SPARC: variants seen among roughly 807,000 people sequenced by gnomAD.
SPARC encodes secreted protein acidic and cysteine rich, also known as basement-membrane protein 40.
SPARC carries 23 observed loss-of-function variants against 37.7 expected under a neutral mutation model. That is an observed-to-expected ratio of 0.61 (90% CI 0.44 to 0.87). The LOEUF is 0.87. Ranked by LOEUF, SPARC falls within the 40% of genes least tolerant of loss-of-function variation. The pLI, the probability that SPARC is intolerant of heterozygous loss-of-function variation, is 0.00. For synonymous variants in SPARC, 155 were observed against 150.8 expected (o/e 1.03, Z -0.20); for missense variants, 312 against 389.0 (o/e 0.80, Z 1.66).
chr5:151,670,862 C>G (rs910318119), intron 5 of SPARC, among the ~76,000 whole-genome samples: 1 of 152,000 alleles, frequency 6.6e-6, no homozygotes, highest in African/African-American at 2.4e-5. Flanking sequence ...AAATGTGGAG[C>G]CCAGAGGCTA....
In SPARC at chr5:151,673,123, A is replaced by AC; in HGVS notation, c.208+5dup. Reference sequence around the variant, plus strand: ...GGATGTGCCAAGTTACAGGGAAGGGACATACTTTCCGCCACCACCTCCTCT... The same window carrying AC: ...GGATGTGCCAAGTTACAGGGAAGGGACCATACTTTCCGCCACCACCTCCTCT... On this transcript the variant is annotated splice_donor_region_variant and intron_variant, in intron 4 of 9. Transcript: ENST00000231061. The AC allele has an allele frequency of 1.2e-6, 2 of 1,609,030 alleles. No homozygotes were observed. The highest frequency in any genetic ancestry group is 1.7e-6 in the Non-Finnish European group (2 of 1,175,310).
At chr5:151,683,448 G>A (rs767431395) in intron 1 of SPARC, among the ~76,000 whole-genome samples, 1 of 152,242 alleles carries the variant, frequency 6.6e-6, no homozygotes, top group Non-Finnish European at 1.5e-5. Context: ...CAAACACGTG[G>A]AAGTTTGGCT....
intron 8 of SPARC, among the ~76,000 whole-genome samples, chr5:151,664,513 G>A (rs1760583291): frequency 6.6e-6 from 1 of 152,068 alleles, no homozygotes; most frequent in Admixed American, 6.6e-5. Context: ...AAGGTTTCAG[G>A]GTCTCAAAAA....
intron 3 of SPARC, 37 bp from the exon 4 acceptor site, chr5:151,673,253 A>C (rs757978976): frequency 7.1e-6 from 10 of 1,407,020 alleles, no homozygotes; most frequent in East Asian, 4.5e-5. Context: ...AAATGGCCCC[A>C]CTCCCATCCC....
intron 1 of SPARC, 81 bp from the exon 2 acceptor site, chr5:151,676,282 A>G (rs916902898): frequency 4.5e-6 from 4 of 897,868 alleles, no homozygotes; most frequent in African/African-American, 3.3e-5. Context: ...GATATGTGCA[A>G]GATAATGTTA....
intron 4 of SPARC, among the ~76,000 whole-genome samples, chr5:151,672,366 A>C (rs774031739): frequency 1.3e-5 from 2 of 152,098 alleles, no homozygotes; most frequent in Non-Finnish European, 2.9e-5. Flanking sequence ...TGTTTTAATA[A>C]TCCTTTAGCG....
At chr5:151,672,666 C>T (rs544953504) in intron 4 of SPARC, 59 of 171,932 alleles carry the variant, frequency 3.4e-4, no homozygotes, top group Admixed American at 2.8e-3. Context: ...GGTTGCATTT[C>T]CTCAGGACCT....
At chr5:151,671,525 T>C (rs751416177) in intron 5 of SPARC, 48 bp downstream of exon 5, 1 of 1,513,840 alleles carries the variant, frequency 6.6e-7, no homozygotes, top group Non-Finnish European at 8.8e-7. Context: ...CATCCTGTAT[T>C]CCGAAGTGCC....
At position 151,686,904 on chromosome 5, in the gene SPARC, T is replaced by G. The variant is rs1301109844; in HGVS notation, c.-53A>C. On this transcript the variant is annotated 5_prime_UTR_variant, in exon 1 of 10. Transcript: ENST00000231061. Reference sequence around the variant, plus strand: ...GGCAGGCGGCAGGCAGAGCGCGCTCTCCGGGCAGTCTGAAGGACCGCGGGA... The same window carrying G: ...GGCAGGCGGCAGGCAGAGCGCGCTCGCCGGGCAGTCTGAAGGACCGCGGGA... 6.5e-6 allele frequency: 1 copy of G among 153,102 alleles called. No homozygotes were observed. The highest frequency in any genetic ancestry group is 1.5e-5 in the Non-Finnish European group (1 of 68,876). 9.5% of individuals were successfully genotyped at this position (153,102 alleles called of 1,614,324 possible). A position where few individuals can be genotyped will look rare whatever the true frequency, so the allele number is the denominator to read the frequency against.
intron 1 of SPARC, chr5:151,686,332 G>T (rs888865720): frequency 6.6e-6 from 1 of 152,194 alleles, no homozygotes; most frequent in South Asian, 2.1e-4. Flanking sequence ...AAAACAGAAG[G>T]CTTCCCAGAG....
chr5:151,671,622 A>C lies in SPARC; in HGVS notation c.281T>G (p.Val94Gly). 6.2e-7 allele frequency: 1 copy of C among 1,605,538 alleles called. No individual in the cohort carries two copies. Among genetic ancestry groups the C allele is most frequent in the Non-Finnish European group, 8.5e-7 (1 of 1,175,822 alleles). The change falls in exon 5 of 10, where the codon GTG (valine) becomes GGG (glycine). Residue 94 changes from valine (V) to glycine (G), a missense_variant. Transcript: ENST00000231061. The stretch of plus-strand genomic sequence containing the variant: ...TGGGCAGCTGGTGGGGTCCTGGCAC[A>C]CGCACATGGGGGTGTTGTTCTCATC... ...ELDENNTPMC[V>G]CQDPTSCPAP...
At chr5:151,665,999 G>A (rs763826213) in intron 8 of SPARC, among the ~76,000 whole-genome samples, 8 of 152,202 alleles carry the variant, frequency 5.3e-5, no homozygotes, top group Non-Finnish European at 1.0e-4. Flanking sequence ...GCCCCTGGAT[G>A]TTCTGCTGAA....
intron 8 of SPARC, 71 bp from the exon 9 acceptor site, chr5:151,664,306 G>T: frequency 2.1e-6 from 3 of 1,452,396 alleles, no homozygotes; most frequent in Non-Finnish European, 2.9e-6. Flanking sequence ...GAGGCAACCG[G>T]GGAGTTAGCC....
intron 1 of SPARC, among the ~76,000 whole-genome samples, chr5:151,680,003 T>C (rs1760948335): frequency 6.6e-6 from 1 of 152,208 alleles, no homozygotes; most frequent in Non-Finnish European, 1.5e-5. Context: ...ATTCTATATC[T>C]ACGTGGTCCA....
At position 151,669,647 on chromosome 5, in the gene SPARC, G is replaced by A; in HGVS notation, c.451+17C>T. 1 of 1,613,672 alleles carries A rather than the reference G, an allele frequency of 6.2e-7. No homozygotes were observed. Among genetic ancestry groups the A allele is most frequent in the Non-Finnish European group, 8.5e-7 (1 of 1,179,676 alleles). On this transcript the variant is annotated intron_variant, in intron 6 of 9. Coordinates refer to ENST00000231061, the MANE Select transcript of SPARC (RefSeq NM_003118.4). ...TCTCCCCAAGACAGGAGTCTGGAAG[G>A]GCCCAAGGACACTCACATTTGCAAG...
At chr5:151,672,147 G>C (rs1270762515) in intron 4 of SPARC, among the ~76,000 whole-genome samples, 1 of 152,192 alleles carries the variant, frequency 6.6e-6, no homozygotes, top group Non-Finnish European at 1.5e-5. Context: ...GGCAGTAAAG[G>C]AAAAGGGAGA....
intron 1 of SPARC, chr5:151,685,258 A>C (rs1264683221): frequency 6.6e-6 from 1 of 150,592 alleles, no homozygotes; most frequent in African/African-American, 2.5e-5. Context: ...TTCCTCAACC[A>C]CTCCCTTTTC....
Position 151,663,538 on chromosome 5 carries a change from AAG to A in SPARC, c.*31_*32del, listed in dbSNP as rs1441717253. 6.2e-7 allele frequency: 1 copy of A among 1,606,230 alleles called. No homozygotes were observed. Among genetic ancestry groups the A allele is most frequent in the South Asian group, 1.1e-5 (1 of 90,814 alleles). On this transcript the variant is annotated 3_prime_UTR_variant, in exon 10 of 10. Coordinates refer to ENST00000231061, the MANE Select transcript of SPARC (RefSeq NM_003118.4). ...GGGGGAAACACGAAGGGGAGGGTTA[AAG>A]AGAGAATCCGGTACTGTGGAAGGAG...
In SPARC at chr5:151,673,157, C is replaced by G; in HGVS notation, c.180G>C (p.Glu60Asp). ...CCGCCACCACCTCCTCTTCGGTTTC[C>G]TCTGCACCATCATCAAATTCTCCTA... ...VEVGEFDDGA[E>D]ETEEEVVAEN... Residue 60 changes from glutamate (E) to aspartate (D), a missense_variant, in exon 4 of 10, where the codon GAG (glutamate) becomes GAC (aspartate). By Grantham distance (45) the Glu-to-Asp change is conservative. Coordinates refer to ENST00000231061, the MANE Select transcript of SPARC (RefSeq NM_003118.4). The G allele has an allele frequency of 1.9e-6, 3 of 1,614,024 alleles. No individual in the cohort carries two copies. Among genetic ancestry groups the G allele is most frequent in the Non-Finnish European group, 2.5e-6 (3 of 1,179,858 alleles).
Sources: gnomAD v4.1 joint callset for allele counts (sites outside exome capture counted in the v4.1 genomes callset) on GRCh38, gnomAD v4.1.1 for gene constraint, MANE v1.5 for transcripts, NCBI Gene and HGNC (gene_info 2026-07-23, HGNC 2026-07-21) for gene names.